FAXDC2: variants seen among roughly 807,000 people sequenced by gnomAD.
FAXDC2 encodes fatty acid hydroxylase domain-containing protein 2.
In FAXDC2, 41 loss-of-function variants were observed where a neutral mutation model predicts 40.9. The observed-to-expected ratio is 1.00, with a 90% CI of 0.78 to 1.30. FAXDC2 has a LOEUF of 1.30. Ranked by LOEUF, FAXDC2 falls within the 50% of genes most tolerant of loss-of-function variation. The pLI is 0.00. For missense variants in FAXDC2, 390 were observed against 408.8 expected, an observed-to-expected ratio of 0.95 and a Z score of 0.40; for synonymous variants, 157 against 149.3, an observed-to-expected ratio of 1.05 and a Z score of -0.38.
At chr5:154,824,540 A>G (rs959122528) in intron 5 of FAXDC2, 1 of 702,484 alleles carries the variant, frequency 1.4e-6, no homozygotes, top group African/African-American at 1.7e-5. Context: ...TCCCATTGCG[A>G]GGCCAGGTCT....
Position 154,819,673 on chromosome 5 carries a change from C to A in FAXDC2, c.*643G>T, listed in dbSNP as rs1759826135. 1 of 152,336 alleles carries A rather than the reference C, an allele frequency of 6.6e-6. No homozygotes were observed. The highest frequency in any genetic ancestry group is 6.5e-5 in the Admixed American group (1 of 15,270). The allele number at this position is 152,336 out of a possible 1,614,324, so 9.4% of individuals were successfully genotyped here. ...TCTTTTTCTCCCCCACAGAGGGAAA[C>A]CTTTTGTTTGCGGTGGGCCAGAGTT... On this transcript the variant is annotated 3_prime_UTR_variant, in exon 9 of 9. Coordinates refer to ENST00000326080, the MANE Select transcript of FAXDC2 (RefSeq NM_032385.5).
chr5:154,828,302 T>TTTTG (rs1760095958), intron 5 of FAXDC2, among the ~76,000 whole-genome samples: 1 of 152,046 alleles, frequency 6.6e-6, no homozygotes, highest in African/African-American at 2.4e-5. Flanking sequence ...GTTTTTTTTG[T>TTTTG]TTTGTTTTGT....
chr5:154,837,919 A>T (rs560219085), intron 2 of FAXDC2, among the ~76,000 whole-genome samples: 10 of 152,330 alleles, frequency 6.6e-5, no homozygotes, highest in Admixed American at 6.5e-4. Context: ...TCCATAACGC[A>T]CATTCGCAGT....
chr5:154,834,003 T>C (rs1760257367), intron 4 of FAXDC2, among the ~76,000 whole-genome samples: 1 of 150,110 alleles, frequency 6.7e-6, no homozygotes, highest in Admixed American at 6.7e-5. Context: ...TCGATACAAG[T>C]GTAGCACATA....
At chr5:154,838,200 G>A (rs562323249) in intron 1 of FAXDC2, 22 bp from the exon 2 acceptor site, 11 of 1,610,752 alleles carry the variant, frequency 6.8e-6, no homozygotes, top group East Asian at 6.7e-5. Flanking sequence ...AAGCACAGGC[G>A]AGCCGGGGAG....
chr5:154,825,107 G>A (rs1037614137), intron 5 of FAXDC2, among the ~76,000 whole-genome samples: 6 of 148,844 alleles, frequency 4.0e-5, no homozygotes, highest in African/African-American at 1.5e-4. Flanking sequence ...GCTTACGCCT[G>A]TAATCCCAGC....
chr5:154,844,768 CTG>C (rs1304199342), intron 1 of FAXDC2, among the ~76,000 whole-genome samples: 4 of 152,202 alleles, frequency 2.6e-5, no homozygotes, highest in African/African-American at 9.7e-5. Flanking sequence ...ACTAGGATGA[CTG>C]TCAGTACAAT....
rs183931148 is a variant in FAXDC2, at chr5:154,820,183, C to G, written c.*133G>C. On this transcript the variant is annotated 3_prime_UTR_variant, in exon 9 of 9. Transcript: ENST00000326080. ...CCTTGGCCCTGCTTTTCCGGGAAGC[C>G]GACCTTCCCTCTACCCTGGTGGTGC... 3 of 713,908 alleles carry G rather than the reference C, an allele frequency of 4.2e-6. No individual in the cohort carries two copies. The African/African-American group carries it at 5.4e-5, about 13-fold the overall frequency. 44.2% of individuals were successfully genotyped at this position (713,908 alleles called of 1,614,324 possible). A position where few individuals can be genotyped will look rare whatever the true frequency, so the allele number is the denominator to read the frequency against.
chr5:154,842,470 C>T (rs1005159602), intron 1 of FAXDC2, among the ~76,000 whole-genome samples: 6 of 141,140 alleles, frequency 4.3e-5, no homozygotes, highest in South Asian at 4.5e-4. Flanking sequence ...TCCCAAAGTG[C>T]TGGGATTACA....
At chr5:154,844,945 C>A (rs1419850826) in intron 1 of FAXDC2, among the ~76,000 whole-genome samples, 1 of 152,180 alleles carries the variant, frequency 6.6e-6, no homozygotes, top group Admixed American at 6.6e-5. Flanking sequence ...CGTACACCTT[C>A]TGGCCAAAGG....
At chr5:154,848,999 G>T (rs867585328) in intron 1 of FAXDC2, among the ~76,000 whole-genome samples, 6 of 149,560 alleles carry the variant, frequency 4.0e-5, no homozygotes, top group African/African-American at 1.2e-4. Flanking sequence ...ATGAAATGCG[G>T]CTGGGCACGT....
In FAXDC2 at chr5:154,819,595, T is replaced by TA. The variant is rs1243152510; in HGVS notation, c.*720dup. 1.3e-5 allele frequency: 2 copies of TA among 152,200 alleles called. No homozygotes were observed. Among genetic ancestry groups the TA allele is most frequent in the African/African-American group, 4.8e-5 (2 of 41,452 alleles). The allele number at this position is 152,200 out of a possible 1,614,324, so 9.4% of individuals were successfully genotyped here. A position where few individuals can be genotyped will look rare whatever the true frequency, so the allele number is the denominator to read the frequency against. On this transcript the variant is annotated 3_prime_UTR_variant, in exon 9 of 9. Transcript: ENST00000326080. ...GGTTTCCACATAAGGCTAAAGGTGTTAAAGTTTGGTCTGCACCTCGTTGGT... is the reference window on the plus strand; with the variant it reads ...GGTTTCCACATAAGGCTAAAGGTGTTAAAAGTTTGGTCTGCACCTCGTTGGT...
chr5:154,847,815 T>G (rs1760636238), intron 1 of FAXDC2, among the ~76,000 whole-genome samples: 1 of 150,778 alleles, frequency 6.6e-6, no homozygotes, highest in African/African-American at 2.4e-5. Flanking sequence ...TATTCTTGTT[T>G]CCTGGATATT....
chr5:154,846,129 A>G (rs1316571823), intron 1 of FAXDC2, among the ~76,000 whole-genome samples: 1 of 152,028 alleles, frequency 6.6e-6, no homozygotes, highest in African/African-American at 2.4e-5. Context: ...CAGAACTTGA[A>G]TTCAGTGCTC....
intron 7 of FAXDC2, 81 bp downstream of exon 7, chr5:154,822,391 C>A (rs35841258): frequency 1.0e-6 from 1 of 961,116 alleles, no homozygotes; most frequent in South Asian, 1.3e-5. Flanking sequence ...CCGGTGTGGT[C>A]TAAGTTCTCT....
chr5:154,823,876 T>C, intron 5 of FAXDC2: 1 of 404,296 alleles, frequency 2.5e-6, no homozygotes, highest in South Asian at 2.8e-5. Context: ...ACCACTGCCC[T>C]CCCCATTTCT....
chr5:154,844,045 C>A (rs1430785713), intron 1 of FAXDC2, among the ~76,000 whole-genome samples: 4 of 152,084 alleles, frequency 2.6e-5, no homozygotes, highest in African/African-American at 9.7e-5. Flanking sequence ...ATGGCAAAAC[C>A]CTACCTCTAC....
intron 1 of FAXDC2, among the ~76,000 whole-genome samples, chr5:154,840,802 C>T (rs1017101689): frequency 1.3e-5 from 2 of 152,202 alleles, no homozygotes; most frequent in African/African-American, 4.8e-5. Flanking sequence ...CCTCCCGCCT[C>T]GGCCTCCCAA....
At position 154,825,227 on chromosome 5, in the gene FAXDC2, G is replaced by T. The variant is rs377685505; in HGVS notation, c.367-1635C>A. ...AAAATACAAAAACTTAGCTAGGCGT[G>T]GTGGCATGCACTTGTAGTCCCAGCT... On this transcript the variant is annotated intron_variant, in intron 5 of 8. Coordinates refer to ENST00000326080, the MANE Select transcript of FAXDC2 (RefSeq NM_032385.5). Among the ~76,000 whole-genome samples, 57 of 151,946 alleles carry T rather than the reference G, an allele frequency of 3.8e-4. No homozygotes were observed. The South Asian group carries it at 0.011, about 30-fold the overall frequency.
Sources: allele counts gnomAD v4.1 joint callset (sites outside exome capture counted in the v4.1 genomes callset), GRCh38; gene constraint gnomAD v4.1.1; transcripts MANE v1.5; gene names NCBI Gene and HGNC (gene_info 2026-07-23, HGNC 2026-07-21).